Variants in AKR1C8 observed in about 807,000 individuals in gnomAD.
The protein encoded by AKR1C8 is aldo-keto reductase family 1 member C-like protein 1.
At chr10:5,116,188 T>C in the AKR1C8 span, among the ~76,000 whole-genome samples, 2 of 152,184 alleles carry the variant, frequency 1.3e-5, no homozygotes, top group South Asian at 2.1e-4. Flanking sequence ...TGATTTCATC[T>C]TGATAGCCCG....
the AKR1C8 span, among the ~76,000 whole-genome samples, chr10:5,179,386 A>G: frequency 2.0e-5 from 3 of 152,088 alleles, no homozygotes; most frequent in African/African-American, 7.2e-5. Flanking sequence ...GGGTAACCCG[A>G]CCTTTCTCTC....
chr10:5,169,752 G>T, the AKR1C8 span, among the ~76,000 whole-genome samples: 1 of 151,916 alleles, frequency 6.6e-6, no homozygotes. Context: ...TCTCACGAGG[G>T]TAGCATAGTA....
chr10:5,155,650 G>A, the AKR1C8 span: 2 of 460,280 alleles, frequency 4.3e-6, no homozygotes, highest in Non-Finnish European at 9.0e-6. Context: ...AACAGCCTGT[G>A]AGAGAATCTA....
the AKR1C8 span, among the ~76,000 whole-genome samples, chr10:5,147,332 G>C: frequency 1.3e-5 from 2 of 152,112 alleles, no homozygotes; most frequent in Non-Finnish European, 2.9e-5. Context: ...ATATGGTTTA[G>C]AGGGTCAAAT....
the AKR1C8 span, chr10:5,155,854 A>C: frequency 2.6e-6 from 1 of 387,242 alleles, no homozygotes; most frequent in Non-Finnish European, 5.4e-6. Context: ...CAAGGATGGC[A>C]TTGGGGGAAG....
chr10:5,150,188 T>TA, the AKR1C8 span, among the ~76,000 whole-genome samples: 1 of 152,232 alleles, frequency 6.6e-6, no homozygotes, highest in African/African-American at 2.4e-5. Context: ...AAAATGCATT[T>TA]AAATGTACCC....
At chr10:5,174,997 T>C in the AKR1C8 span, among the ~76,000 whole-genome samples, 1 of 152,142 alleles carries the variant, frequency 6.6e-6, no homozygotes, top group African/African-American at 2.4e-5. Context: ...TTTTAAGTTT[T>C]AGGGTACAAG....
At chr10:5,141,164 A>G in the AKR1C8 span, among the ~76,000 whole-genome samples, 1 of 152,134 alleles carries the variant, frequency 6.6e-6, no homozygotes, top group Non-Finnish European at 1.5e-5. Flanking sequence ...ACCATCTCAC[A>G]ATGGTTAAGA....
chr10:5,165,872 A>G, the AKR1C8 span, among the ~76,000 whole-genome samples: 1 of 152,038 alleles, frequency 6.6e-6, no homozygotes, highest in Non-Finnish European at 1.5e-5. Context: ...ATCTAGAAAG[A>G]CACAGAACTA....
chr10:5,162,950 G>C, the AKR1C8 span: 4 of 534,678 alleles, frequency 7.5e-6, no homozygotes, highest in East Asian at 2.2e-4. Flanking sequence ...GTATAAGTAT[G>C]CTGAATCAAT....
the AKR1C8 span, among the ~76,000 whole-genome samples, chr10:5,176,771 T>C: frequency 6.6e-6 from 1 of 152,156 alleles, no homozygotes; most frequent in Non-Finnish European, 1.5e-5. Flanking sequence ...ATGATTTGGC[T>C]CTCTGTTTGT....
At chr10:5,162,250 G>C in the AKR1C8 span, among the ~76,000 whole-genome samples, 2 of 152,156 alleles carry the variant, frequency 1.3e-5, no homozygotes, top group African/African-American at 4.8e-5. Flanking sequence ...AGGATTAGAG[G>C]ATTCATCCAC....
the AKR1C8 span, among the ~76,000 whole-genome samples, chr10:5,167,204 A>G: frequency 6.6e-6 from 1 of 152,204 alleles, no homozygotes; most frequent in South Asian, 2.1e-4. Context: ...AACTAGTTCA[A>G]CCCTTATGGA....
At chr10:5,175,791 G>C in the AKR1C8 span, among the ~76,000 whole-genome samples, 3 of 151,800 alleles carry the variant, frequency 2.0e-5, no homozygotes, top group Non-Finnish European at 4.4e-5. Flanking sequence ...AGAAGTGTCT[G>C]TTCATGAACT....
chr10:5,123,536 G>C, the AKR1C8 span: 3 of 606,790 alleles, frequency 4.9e-6, no homozygotes, highest in Admixed American at 3.1e-5. Context: ...GCACCAGAGC[G>C]TCTCAAGTGA....
the AKR1C8 span, among the ~76,000 whole-genome samples, chr10:5,138,983 G>A: frequency 4.6e-5 from 7 of 152,218 alleles, no homozygotes; most frequent in Admixed American, 2.0e-4. Flanking sequence ...AAATCAATGA[G>A]CAAAAATCAC....
At chr10:5,174,577 C>G in the AKR1C8 span, among the ~76,000 whole-genome samples, 1 of 151,930 alleles carries the variant, frequency 6.6e-6, no homozygotes, top group South Asian at 2.1e-4. Flanking sequence ...GAGAAATAAC[C>G]ACACCTCTAA....
At chr10:5,177,260 G>T in the AKR1C8 span, among the ~76,000 whole-genome samples, 119 of 151,954 alleles carry the variant, frequency 7.8e-4, 1 homozygote, top group African/African-American at 2.4e-3. Context: ...CTTTGGTTCT[G>T]TTTATATGCT....
chr10:5,171,750 C>G, the AKR1C8 span, among the ~76,000 whole-genome samples: 6 of 151,976 alleles, frequency 3.9e-5, no homozygotes, highest in Non-Finnish European at 7.4e-5. Flanking sequence ...CTGGATGATG[C>G]CCCTTTAACC....
Sources: allele counts gnomAD v4.1 joint callset (sites outside exome capture counted in the v4.1 genomes callset), GRCh38; gene constraint gnomAD v4.1.1; transcripts MANE v1.5; gene names NCBI Gene and HGNC (gene_info 2026-07-23, HGNC 2026-07-21).